Variants in VWA8 observed in about 807,000 individuals in gnomAD.
VWA8 encodes the protein von Willebrand factor A domain-containing protein 8.
Under a neutral mutation model 241.5 loss-of-function variants are expected in VWA8, and 221 were observed. The observed-to-expected ratio is 0.91, with a 90% CI of 0.82 to 1.02. The LOEUF (loss-of-function observed/expected upper bound fraction) is 1.02, where lower values mean the gene tolerates loss of function less well. VWA8 is among the 50% of genes least tolerant of loss of function. The pLI is 0.00. For synonymous variants in VWA8, 852 were observed against 827.1 expected, an observed-to-expected ratio of 1.03 and a Z score of -0.52; for missense variants, 2,322 against 2,328.7, an observed-to-expected ratio of 1.00 and a Z score of 0.06.
intron 12 of VWA8, among the ~76,000 whole-genome samples, chr13:41,851,764 G>A (rs1371589562): frequency 6.6e-6 from 1 of 151,848 alleles, no homozygotes; most frequent in East Asian, 1.9e-4. Flanking sequence ...AATACAGACG[G>A]GATTTTCTGC....
chr13:41,837,558 T>A (rs575784602), intron 12 of VWA8, among the ~76,000 whole-genome samples: 2 of 152,198 alleles, frequency 1.3e-5, no homozygotes. Context: ...CAAAGTAACA[T>A]CACTTTCAAT....
At chr13:41,933,869 A>T (rs9594654) in intron 2 of VWA8, among the ~76,000 whole-genome samples, 2,363 of 152,122 alleles carry the variant, frequency 0.016, 61 homozygotes, top group African/African-American at 0.054. Flanking sequence ...CTAGAAAAAA[A>T]TGAGAAAAGA....
chr13:41,906,216 AT>A (rs1232690675), intron 4 of VWA8, among the ~76,000 whole-genome samples: 1 of 152,088 alleles, frequency 6.6e-6, no homozygotes, highest in East Asian at 1.9e-4. Context: ...CCACTCAGTG[AT>A]TTTTTACAAT....
chr13:41,719,844 C>A, intron 25 of VWA8, 102 bp from the exon 26 acceptor site: 3 of 1,107,824 alleles, frequency 2.7e-6, no homozygotes, highest in South Asian at 3.7e-5. Flanking sequence ...TGAACTACAG[C>A]AGAAATTTAC....
intron 20 of VWA8, among the ~76,000 whole-genome samples, chr13:41,777,281 A>T (rs962741483): frequency 4.6e-5 from 7 of 152,216 alleles, no homozygotes; most frequent in African/African-American, 1.7e-4. Context: ...GAGTAGAAGC[A>T]GGAAAAACCT....
chr13:41,882,827 G>GAGAGGGAGAGGGAGAGGGAGACCGTGGGT (rs1874323084), intron 9 of VWA8, among the ~76,000 whole-genome samples: 1 of 152,098 alleles, frequency 6.6e-6, no homozygotes, highest in African/African-American at 2.4e-5. Flanking sequence ...TGGGGAGAGG[G>GAGAGGGAGAGGGAGAGGGAGACCGTGGGT]AGAGGGAGAG....
intron 14 of VWA8, among the ~76,000 whole-genome samples, chr13:41,823,548 C>A (rs1871052222): frequency 6.6e-6 from 1 of 152,104 alleles, no homozygotes; most frequent in African/African-American, 2.4e-5. Flanking sequence ...TATTTATACT[C>A]CCCCTTTCCC....
intron 42 of VWA8, among the ~76,000 whole-genome samples, chr13:41,585,417 T>C (rs971722471): frequency 6.7e-6 from 1 of 148,272 alleles, no homozygotes; most frequent in Non-Finnish European, 1.5e-5. Flanking sequence ...CTAATGAATT[T>C]TCTTTCTAAA....
intron 2 of VWA8, among the ~76,000 whole-genome samples, chr13:41,928,539 T>C (rs1306491365): frequency 6.6e-6 from 1 of 152,054 alleles, no homozygotes; most frequent in African/African-American, 2.4e-5. Context: ...TTTTAAAATA[T>C]CTTGAGACAA....
chr13:41,747,404 G>A (rs1232344801), intron 21 of VWA8, among the ~76,000 whole-genome samples: 1 of 152,160 alleles, frequency 6.6e-6, no homozygotes, highest in African/African-American at 2.4e-5. Flanking sequence ...GTGTTTATCT[G>A]TTATTGGTGC....
At chr13:41,588,426 TA>T (rs2044433019) in intron 41 of VWA8, among the ~76,000 whole-genome samples, 1 of 152,120 alleles carries the variant, frequency 6.6e-6, no homozygotes, top group African/African-American at 2.4e-5. Context: ...TTGCTGACGA[TA>T]AAAAAGAAGA....
intron 25 of VWA8, among the ~76,000 whole-genome samples, chr13:41,720,121 G>A (rs1405783826): frequency 6.6e-6 from 1 of 152,022 alleles, no homozygotes; most frequent in Non-Finnish European, 1.5e-5. Context: ...TATCTATACT[G>A]AAGTTTTCAG....
intron 14 of VWA8, among the ~76,000 whole-genome samples, chr13:41,821,434 C>G (rs2137987396): frequency 6.6e-6 from 1 of 152,274 alleles, no homozygotes; most frequent in South Asian, 2.1e-4. Flanking sequence ...CATGGGAAGT[C>G]ATTTCCTGAT....
chr13:41,711,978 G>T (rs1208127644), intron 26 of VWA8, among the ~76,000 whole-genome samples: 1 of 149,624 alleles, frequency 6.7e-6, no homozygotes, highest in African/African-American at 2.5e-5. Flanking sequence ...AATCCTTATT[G>T]CAGGAGAAAA....
intron 21 of VWA8, among the ~76,000 whole-genome samples, chr13:41,746,531 G>C (rs1382243164): frequency 1.3e-5 from 2 of 152,164 alleles, no homozygotes; most frequent in African/African-American, 2.4e-5. Context: ...TATTACTGAG[G>C]TACCCAGCTG....
At chr13:41,573,568 ATATG>A (rs1181417707) in intron 43 of VWA8, among the ~76,000 whole-genome samples, 1 of 141,890 alleles carries the variant, frequency 7.0e-6, no homozygotes, top group Non-Finnish European at 1.5e-5. Context: ...ACACGTATAT[ATATG>A]TATATATATA....
chr13:41,831,636 T>C (rs1871463215), intron 13 of VWA8, among the ~76,000 whole-genome samples: 1 of 131,732 alleles, frequency 7.6e-6, no homozygotes, highest in South Asian at 2.5e-4. Context: ...TTTTTTTTTT[T>C]GAGACAGAGT....
rs2045023549 is a variant in VWA8 at position 41,671,498 on chromosome 13, A to G, written c.4410-351T>C. 2.0e-5 allele frequency among the ~76,000 whole-genome samples: 3 copies of G among 152,184 alleles called. No homozygotes were observed. The South Asian group carries it at 6.2e-4, about 31-fold the overall frequency. Reference sequence around the variant, plus strand: ...CTGGTTTAAACTGATTAGGTTCTCTAAACTTGCTATAAAGAATTTGCTATG... The same window carrying G: ...CTGGTTTAAACTGATTAGGTTCTCTGAACTTGCTATAAAGAATTTGCTATG... On this transcript the variant is annotated intron_variant, in intron 36 of 44. Transcript: ENST00000379310.
At chr13:41,922,263 C>A (rs1166395536) in intron 2 of VWA8, among the ~76,000 whole-genome samples, 1 of 152,172 alleles carries the variant, frequency 6.6e-6, no homozygotes, top group Admixed American at 6.5e-5. Flanking sequence ...CCCATCCTTA[C>A]ACCCTATACA....
Sources: gnomAD v4.1 joint callset for allele counts (sites outside exome capture counted in the v4.1 genomes callset) on GRCh38, gnomAD v4.1.1 for gene constraint, MANE v1.5 for transcripts, NCBI Gene and HGNC (gene_info 2026-07-23, HGNC 2026-07-21) for gene names.